PLD1: variants seen among roughly 807,000 people sequenced by gnomAD.
PLD1 encodes phospholipase D1, also known as choline phosphatase 1.
A neutral mutation model predicts 137.1 loss-of-function variants in PLD1; 112 were observed. That is an observed-to-expected ratio of 0.82 (90% CI 0.70 to 0.96). The LOEUF (loss-of-function observed/expected upper bound fraction) is 0.96. PLD1 is among the 40% of genes least tolerant of loss of function. The pLI, the probability that PLD1 is intolerant of heterozygous loss-of-function variation, is 0.00. For missense variants in PLD1, 1,321 were observed against 1,342.0 expected (o/e 0.98, Z 0.24); for synonymous variants, 431 against 454.7 (o/e 0.95, Z 0.66).
intron 8 of PLD1, among the ~76,000 whole-genome samples, chr3:171,720,596 AGT>A (rs1718061320): frequency 6.6e-6 from 1 of 151,790 alleles, no homozygotes; most frequent in Admixed American, 6.6e-5. Flanking sequence ...AAAAAAAAAA[AGT>A]CTTCCACTGT....
intron 1 of PLD1, among the ~76,000 whole-genome samples, chr3:171,786,251 C>T (rs1465772480): frequency 1.3e-5 from 2 of 152,226 alleles, no homozygotes; most frequent in African/African-American, 4.8e-5. Context: ...TTATCCTGCT[C>T]TTCATCAATC....
chr3:171,652,317 G>T (rs6770239), intron 21 of PLD1, among the ~76,000 whole-genome samples: 38,211 of 151,348 alleles, frequency 0.25, 5,172 homozygotes, highest in Admixed American at 0.31. Context: ...GGAGGCTGAG[G>T]CAGGAGAATG....
intron 13 of PLD1, among the ~76,000 whole-genome samples, chr3:171,692,022 G>A (rs866451889): frequency 6.6e-6 from 1 of 152,160 alleles, no homozygotes; most frequent in Non-Finnish European, 1.5e-5. Context: ...GAGGTTCCAG[G>A]ATAATGAGAA....
intron 9 of PLD1, among the ~76,000 whole-genome samples, chr3:171,713,039 C>G (rs1289380167): frequency 6.6e-6 from 1 of 152,118 alleles, no homozygotes; most frequent in Non-Finnish European, 1.5e-5. Flanking sequence ...ATGAACTATA[C>G]AGAGACAAAT....
At chr3:171,760,241 A>G (rs1721304103) in intron 1 of PLD1, among the ~76,000 whole-genome samples, 1 of 152,116 alleles carries the variant, frequency 6.6e-6, no homozygotes. Context: ...CCTTTTTGTG[A>G]TTTAAAATCT....
At chr3:171,801,154 G>A (rs1723627969) in intron 1 of PLD1, among the ~76,000 whole-genome samples, 1 of 152,216 alleles carries the variant, frequency 6.6e-6, no homozygotes, top group Non-Finnish European at 1.5e-5. Context: ...TAGACTATAA[G>A]CTGTGGGGCT....
chr3:171,752,246 A>G (rs1720717640), intron 1 of PLD1, among the ~76,000 whole-genome samples: 1 of 152,248 alleles, frequency 6.6e-6, no homozygotes, highest in African/African-American at 2.4e-5. Flanking sequence ...ATAAATATAT[A>G]TGGAAGTATG....
At chr3:171,719,412 A>G (rs137933528) in intron 8 of PLD1, among the ~76,000 whole-genome samples, 175 of 152,360 alleles carry the variant, frequency 1.1e-3, no homozygotes, top group African/African-American at 4.2e-3. Flanking sequence ...TATCTGTTCA[A>G]TGCCTAGAAC....
chr3:171,723,235 T>C (rs1208446850), intron 8 of PLD1, among the ~76,000 whole-genome samples: 1 of 152,184 alleles, frequency 6.6e-6, no homozygotes, highest in Non-Finnish European at 1.5e-5. Flanking sequence ...GTGAAGATTG[T>C]CTTTCTGTGC....
intron 21 of PLD1, chr3:171,654,038 A>T: frequency 2.6e-6 from 1 of 381,276 alleles, no homozygotes; most frequent in Non-Finnish European, 5.1e-6. Flanking sequence ...CTACAGTTAT[A>T]AGAAGCATGA....
At chr3:171,776,562 T>C (rs1281602520) in intron 1 of PLD1, among the ~76,000 whole-genome samples, 2 of 152,234 alleles carry the variant, frequency 1.3e-5, no homozygotes, top group African/African-American at 4.8e-5. Context: ...GCTGAAACAA[T>C]GGGCTCTCTG....
chr3:171,674,536 T>G lies in PLD1; in HGVS notation c.2193A>C (p.Arg731Ser). Residue 731 changes from arginine to serine, a missense_variant, in exon 19 of 27, where the codon AGA becomes AGC. Transcript: ENST00000351298. ...CATGGACAGACCCAGGCACTTGATA[T>G]CTCAACTCATGGGCTGTTGTTTGAG... ...PKSQTTAHEL[R>S]YQVPGSVHAN... The G allele has an allele frequency of 6.2e-7, 1 of 1,610,140 alleles. No individual in the cohort carries two copies. The highest frequency in any genetic ancestry group is 1.3e-5 in the African/African-American group (1 of 74,928).
chr3:171,783,943 A>C (rs938505321), intron 1 of PLD1, among the ~76,000 whole-genome samples: 3 of 152,150 alleles, frequency 2.0e-5, no homozygotes, highest in African/African-American at 7.2e-5. Flanking sequence ...CACTGCGCCC[A>C]GCCCACCCTC....
intron 11 of PLD1, among the ~76,000 whole-genome samples, chr3:171,703,881 G>A (rs1230745803): frequency 6.6e-6 from 1 of 152,166 alleles, no homozygotes; most frequent in Non-Finnish European, 1.5e-5. Context: ...AAAGCCCAAA[G>A]TTACTAAAAC....
chr3:171,784,685 C>T lies in PLD1; in HGVS notation c.-32+25714G>A, dbSNP rs191128502. Among the ~76,000 whole-genome samples the T allele has an allele frequency of 3.0e-3, 452 of 152,292 alleles. 2 individuals are homozygous for T. Among genetic ancestry groups the T allele is most frequent in the South Asian group, 8.1e-3 (39 of 4,826 alleles). On this transcript the variant is annotated intron_variant, in intron 1 of 26. Coordinates refer to ENST00000351298, the MANE Select transcript of PLD1 (RefSeq NM_002662.5). Reference sequence around the variant, plus strand: ...ATCTTTCCATAGACATCCTATTTTTCTTCAAGCTCCAGCTCAAACACAGGC... The same window carrying T: ...ATCTTTCCATAGACATCCTATTTTTTTTCAAGCTCCAGCTCAAACACAGGC...
intron 1 of PLD1, among the ~76,000 whole-genome samples, chr3:171,779,536 A>G: frequency 6.6e-6 from 1 of 152,252 alleles, no homozygotes; most frequent in South Asian, 2.1e-4. Context: ...GAGACCTTTT[A>G]GATATCCAAA....
At chr3:171,737,289 A>G (rs184381986) in intron 3 of PLD1, among the ~76,000 whole-genome samples, 20 of 152,366 alleles carry the variant, frequency 1.3e-4, no homozygotes, top group African/African-American at 4.8e-4. Context: ...TTTGCCTTAC[A>G]TGCCTTTTTA....
intron 23 of PLD1, among the ~76,000 whole-genome samples, chr3:171,639,986 T>A (rs1028130140): frequency 1.3e-5 from 2 of 151,258 alleles, no homozygotes; most frequent in Non-Finnish European, 2.9e-5. Flanking sequence ...ACACTCCATT[T>A]TATTTCCGTA....
At chr3:171,733,851 T>C (rs1474924556) in intron 5 of PLD1, among the ~76,000 whole-genome samples, 3 of 151,000 alleles carry the variant, frequency 2.0e-5, no homozygotes, top group African/African-American at 7.3e-5. Flanking sequence ...AAAACTTTCA[T>C]TTTTTTTTCA....
Sources: allele counts gnomAD v4.1 joint callset (sites outside exome capture counted in the v4.1 genomes callset), GRCh38; gene constraint gnomAD v4.1.1; transcripts MANE v1.5; gene names NCBI Gene and HGNC (gene_info 2026-07-23, HGNC 2026-07-21).